COL12A1: variants seen among roughly 807,000 people sequenced by gnomAD.
COL12A1 encodes collagen type XII alpha 1 chain.
A neutral mutation model predicts 349.7 loss-of-function variants in COL12A1; 114 were observed. That is an observed-to-expected ratio of 0.33 (90% confidence interval 0.28 to 0.38). The LOEUF (loss-of-function observed/expected upper bound fraction) is 0.38. Among genes scored for constraint, COL12A1 ranks in the 10% least tolerant of loss-of-function variants. The pLI is 1.00. For missense variants in COL12A1, 3,284 were observed against 3,756.9 expected (o/e 0.87, Z 3.29); for synonymous variants, 1,369 against 1,329.0 (o/e 1.03, Z -0.66).
At chr6:75,187,927 T>C (rs1769719535) in intron 8 of COL12A1, among the ~76,000 whole-genome samples, 1 of 152,146 alleles carries the variant, frequency 6.6e-6, no homozygotes, top group Non-Finnish European at 1.5e-5. Flanking sequence ...ACTCAGAGTA[T>C]AATGATAGAA....
chr6:75,165,744 T>C lies in COL12A1; in HGVS notation c.2746A>G (p.Ile916Val), dbSNP rs200819563. Reference sequence around the variant, plus strand: ...TAAGCCCCAATTGATGTGTCAGTGATGTCTTTAGTAACTAAATCTTGAGGA... The same window carrying C: ...TAAGCCCCAATTGATGTGTCAGTGACGTCTTTAGTAACTAAATCTTGAGGA... ...GSPQDLVTKD[I>V]TDTSIGAYWT... Residue 916 changes from isoleucine to valine, a missense_variant, in exon 14 of 66, where the codon ATC (isoleucine) becomes GTC (valine). Coordinates refer to ENST00000322507, the MANE Select transcript of COL12A1 (RefSeq NM_004370.6). 48 of 1,613,838 alleles carry C rather than the reference T, an allele frequency of 3.0e-5. No individual in the cohort carries two copies. The highest frequency in any genetic ancestry group is 1.7e-4 in the Admixed American group (10 of 59,970).
chr6:75,183,773 A>C, intron 9 of COL12A1, 81 bp downstream of exon 9: 3 of 1,558,588 alleles, frequency 1.9e-6, no homozygotes, highest in Non-Finnish European at 2.6e-6. Context: ...ATTTCATTCA[A>C]AACTAAGTCC....
At chr6:75,166,766 A>T (rs1768332885) in intron 13 of COL12A1, among the ~76,000 whole-genome samples, 4 of 152,004 alleles carry the variant, frequency 2.6e-5, no homozygotes, top group Non-Finnish European at 4.4e-5. Flanking sequence ...ATTTTACTTA[A>T]CTCAAAGAGT....
At chr6:75,087,983 A>T (rs1192182779) in intron 64 of COL12A1, among the ~76,000 whole-genome samples, 1 of 152,240 alleles carries the variant, frequency 6.6e-6, no homozygotes, top group Admixed American at 6.5e-5. Flanking sequence ...AACCTGATTT[A>T]GCAAAAATTC....
rs73462076 is a variant in COL12A1, at chr6:75,117,746, T to C, written c.7355-200A>G. On this transcript the variant is annotated intron_variant, in intron 46 of 65. Transcript: ENST00000322507. ...TATTTTCTGGTCTAAAGAATTCATT[T>C]AATTTGATTTCCTAAGATAAAATCC... The C allele has an allele frequency of 8.0e-4, 408 of 506,944 alleles. 4 individuals carry two copies. Among genetic ancestry groups the C allele is most frequent in the African/African-American group, 7.1e-3 (376 of 52,630 alleles). 31.4% of individuals were successfully genotyped at this position (506,944 alleles called of 1,614,324 possible).
At chr6:75,096,765 G>A (rs1190021433) in intron 59 of COL12A1, among the ~76,000 whole-genome samples, 3 of 151,238 alleles carry the variant, frequency 2.0e-5, no homozygotes, top group African/African-American at 7.3e-5. Flanking sequence ...GCGTAGTGGC[G>A]GGCGCCTGTA....
chr6:75,201,447 G>A (rs1770520385), intron 2 of COL12A1, among the ~76,000 whole-genome samples: 1 of 151,404 alleles, frequency 6.6e-6, no homozygotes, highest in African/African-American at 2.4e-5. Context: ...TTTTTTACCT[G>A]TAGTCTTGAA....
intron 53 of COL12A1, among the ~76,000 whole-genome samples, 175 bp downstream of exon 53, chr6:75,106,244 G>C (rs994451455): frequency 2.0e-5 from 3 of 152,152 alleles, no homozygotes; most frequent in Non-Finnish European, 2.9e-5. Context: ...TTGTGAGGGA[G>C]GGATCACACA....
At position 75,089,088 on chromosome 6, in the gene COL12A1, A is replaced by G; in HGVS notation, c.9010+18T>C. The G allele has an allele frequency of 1.3e-6, 2 of 1,593,012 alleles. No homozygotes were observed. Among genetic ancestry groups the G allele is most frequent in the Non-Finnish European group, 1.7e-6 (2 of 1,163,662 alleles). On this transcript the variant is annotated intron_variant, in intron 64 of 65. Transcript: ENST00000322507. The stretch of plus-strand genomic sequence containing the variant: ...GGTATTTATAGTCTTTGCCTGTTTA[A>G]AATACTAGCAAACCTACCTGGGGGG...
chr6:75,093,601 T>C (rs1274121263), intron 60 of COL12A1, among the ~76,000 whole-genome samples: 1 of 152,186 alleles, frequency 6.6e-6, no homozygotes, highest in African/African-American at 2.4e-5. Context: ...ATTATAATTA[T>C]CGTAAGAAAA....
intron 8 of COL12A1, 105 bp downstream of exon 8, chr6:75,188,257 C>A (rs1370816036): frequency 4.9e-6 from 6 of 1,213,286 alleles, no homozygotes; most frequent in Non-Finnish European, 6.8e-6. Flanking sequence ...ATTGTAGAAT[C>A]ACTGGAAGAA....
intron 12 of COL12A1, among the ~76,000 whole-genome samples, chr6:75,176,725 T>C (rs1768978933): frequency 2.6e-5 from 4 of 152,242 alleles, no homozygotes; most frequent in Admixed American, 2.6e-4. Context: ...ATAAAGTCTA[T>C]GCAGAGATTA....
At position 75,148,274 on chromosome 6, in the gene COL12A1, C is replaced by T. The variant is rs1767302114; in HGVS notation, c.4287+84G>A. ...GCCCCTCTTCATCCCTCTTGCCCCT[C>T]ACCTAACATTATTCTCAGAGTCCTA... On this transcript the variant is annotated intron_variant, in intron 22 of 65. Coordinates refer to ENST00000322507, the MANE Select transcript of COL12A1 (RefSeq NM_004370.6). 2.9e-6 allele frequency: 4 copies of T among 1,380,532 alleles called. No homozygotes were observed. In the Admixed American group the frequency reaches 8.2e-5, roughly 28 times the overall value. 85.5% of individuals were successfully genotyped at this position (1,380,532 alleles called of 1,614,324 possible).
intron 13 of COL12A1, among the ~76,000 whole-genome samples, chr6:75,173,575 A>G (rs1199906456): frequency 6.6e-6 from 1 of 152,156 alleles, no homozygotes; most frequent in Non-Finnish European, 1.5e-5. Flanking sequence ...GGGTTTTACC[A>G]TGTTGGCCAG....
rs1198986280 is a variant in COL12A1 at position 75,192,322 on chromosome 6, C to T, written c.224G>A (p.Ser75Asn). ...TTCTGACAATAAAGTTTCAGTGGTA[C>T]TAGCTGAAAGGGTAAATTCTTTAGT... ...GPTKEFTLSA[S>N]TTETLLSELV... Residue 75 changes from serine to asparagine, a missense_variant, in exon 4 of 66, where the codon AGT becomes AAT. Ser to Asn is a conservative substitution (Grantham distance 46). Transcript: ENST00000322507. 1.9e-6 allele frequency: 3 copies of T among 1,611,476 alleles called. No individual in the cohort carries two copies. The highest frequency in any genetic ancestry group is 2.5e-6 in the Non-Finnish European group (3 of 1,178,566).
chr6:75,086,635 T>C, intron 65 of COL12A1, 78 bp from the exon 66 acceptor site: 1 of 958,590 alleles, frequency 1.0e-6, no homozygotes, highest in Non-Finnish European at 1.6e-6. Context: ...CATCTACGTA[T>C]GTAATGGTTA....
In COL12A1 at chr6:75,087,751, G is replaced by A; in HGVS notation, c.9011-4C>T. The A allele has an allele frequency of 6.2e-7, 1 of 1,604,046 alleles. No individual in the cohort carries two copies. Among genetic ancestry groups the A allele is most frequent in the African/African-American group, 1.3e-5 (1 of 74,282 alleles). On this transcript the variant is annotated splice_polypyrimidine_tract_variant and splice_region_variant and intron_variant, in intron 64 of 65. Coordinates refer to ENST00000322507, the MANE Select transcript of COL12A1 (RefSeq NM_004370.6). ...GTTCTGGATTCTCCTTGTGGACCTA[G>A]TGTGGAGTTAAAACAAATATATTTC...
At position 75,187,435 on chromosome 6, in the gene COL12A1, C is replaced by A. The variant is rs75236106; in HGVS notation, c.997+927G>T. Among the ~76,000 whole-genome samples the A allele has an allele frequency of 7.8e-3, 1,192 of 152,126 alleles. 48 individuals carry two copies. In the East Asian group the frequency reaches 0.13, roughly 16 times the overall value. ...GCCTACCCTTGCATACATGCAACTGCACCCCAGGAAGAATTAAACTGTTTA... is the reference window on the plus strand; with the variant it reads ...GCCTACCCTTGCATACATGCAACTGAACCCCAGGAAGAATTAAACTGTTTA... On this transcript the variant is annotated intron_variant, in intron 8 of 65. Coordinates refer to ENST00000322507, the MANE Select transcript of COL12A1 (RefSeq NM_004370.6).
chr6:75,119,318 C>G, intron 45 of COL12A1, 32 bp downstream of exon 45: 1 of 1,606,144 alleles, frequency 6.2e-7, no homozygotes, highest in Admixed American at 1.7e-5. Context: ...ACTACAAATG[C>G]TTGAAGAGTA....
Sources: gnomAD v4.1 joint callset for allele counts (sites outside exome capture counted in the v4.1 genomes callset) on GRCh38, gnomAD v4.1.1 for gene constraint, MANE v1.5 for transcripts, NCBI Gene and HGNC (gene_info 2026-07-23, HGNC 2026-07-21) for gene names.